CFAP77: variants seen among roughly 807,000 people sequenced by gnomAD.
CFAP77 encodes cilia- and flagella-associated protein 77.
CFAP77 carries 25 observed loss-of-function variants against 31.1 expected under a neutral mutation model. The ratio of observed to expected loss-of-function variants is 0.80; its 90% CI spans 0.59 to 1.12. The LOEUF is 1.12. Ranked by LOEUF, CFAP77 falls within the 50% of genes most tolerant of loss-of-function variation. CFAP77 has a pLI of 0.00. For missense variants in CFAP77, 377 were observed against 397.3 expected (o/e 0.95, Z 0.44); for synonymous variants, 151 against 159.9 (o/e 0.94, Z 0.42).
intron 5 of CFAP77, among the ~76,000 whole-genome samples, chr9:132,567,821 A>T (rs1829903727): frequency 6.6e-6 from 1 of 151,662 alleles, no homozygotes; most frequent in Non-Finnish European, 1.5e-5. Flanking sequence ...CATCGCTCTC[A>T]TCTCTGCCTC....
At position 132,455,776 on chromosome 9, in the gene CFAP77, C is replaced by T. The variant is rs1564209970; in HGVS notation, c.196-42919C>T. On this transcript the variant is annotated intron_variant, in intron 1 of 5. Coordinates refer to ENST00000393216, the MANE Select transcript of CFAP77 (RefSeq NM_001282957.2). The surrounding 1 kb of genome is among the most constrained non-coding windows in gnomAD (Gnocchi z 4.1). ...GCAAAACGAACCCCAAATGTCTCTC[C>T]ACTCAGCTCCCAACAGGATGCAATT... is the stretch of plus-strand genomic sequence containing the variant. Among the ~76,000 whole-genome samples the T allele has an allele frequency of 6.6e-6, 1 of 152,042 alleles. No individual in the cohort carries two copies. Among genetic ancestry groups the T allele is most frequent in the Non-Finnish European group, 1.5e-5 (1 of 68,002 alleles).
intron 4 of CFAP77, among the ~76,000 whole-genome samples, chr9:132,542,701 C>T (rs539494530): frequency 6.6e-6 from 1 of 152,346 alleles, no homozygotes; most frequent in Admixed American, 6.5e-5. Context: ...GTTCCAGAGA[C>T]TGGAATGCTC....
At chr9:132,546,226 C>G (rs1051217154) in intron 5 of CFAP77, among the ~76,000 whole-genome samples, 2 of 152,216 alleles carry the variant, frequency 1.3e-5, no homozygotes, top group African/African-American at 2.4e-5. Context: ...CACCCACCAT[C>G]CCGGCAGCCA....
intron 1 of CFAP77, among the ~76,000 whole-genome samples, chr9:132,450,890 T>C (rs1185430497): frequency 1.3e-5 from 2 of 151,918 alleles, no homozygotes; most frequent in African/African-American, 4.8e-5. Context: ...AAGAAACAAA[T>C]GAATGGGTTG....
intron 5 of CFAP77, among the ~76,000 whole-genome samples, chr9:132,553,066 T>A (rs1852845342): frequency 6.6e-6 from 1 of 152,146 alleles, no homozygotes; most frequent in Non-Finnish European, 1.5e-5. Context: ...AAGTCCAAGG[T>A]CAGGGTGCCA....
intron 1 of CFAP77, among the ~76,000 whole-genome samples, chr9:132,425,536 C>A (rs1850298893): frequency 6.6e-6 from 1 of 152,078 alleles, no homozygotes; most frequent in Admixed American, 6.6e-5. Context: ...AAGCGTGATG[C>A]CTTTGGGGAC....
rs1476902312 is a variant in CFAP77, at chr9:132,537,586, A to T, written c.525-15A>T. 1.9e-5 allele frequency: 30 copies of T among 1,600,640 alleles called. No homozygotes were observed. Among genetic ancestry groups the T allele is most frequent in the Non-Finnish European group, 2.6e-5 (30 of 1,171,600 alleles). On this transcript the variant is annotated splice_polypyrimidine_tract_variant and intron_variant, in intron 3 of 5. Transcript: ENST00000393216. ...TTCCGGGGCCTCAAGCTCTGTCTGGACTTCTTCCCTCCAGGCCTTCCACAC... is the reference window on the plus strand; with the variant it reads ...TTCCGGGGCCTCAAGCTCTGTCTGGTCTTCTTCCCTCCAGGCCTTCCACAC...
chr9:132,572,050 T>C (rs1829965517), intron 5 of CFAP77, among the ~76,000 whole-genome samples: 1 of 151,916 alleles, frequency 6.6e-6, no homozygotes, highest in Admixed American at 6.6e-5. Context: ...GGGTGGCTTG[T>C]TTGGGGTTTT....
intron 1 of CFAP77, among the ~76,000 whole-genome samples, chr9:132,413,797 C>A (rs1349745569): frequency 6.6e-6 from 1 of 152,104 alleles, no homozygotes; most frequent in Non-Finnish European, 1.5e-5. Flanking sequence ...GAATCGAGCA[C>A]CCTTAGAAAG....
intron 3 of CFAP77, among the ~76,000 whole-genome samples, chr9:132,505,536 C>A (rs1048043503): frequency 6.6e-6 from 1 of 151,850 alleles, no homozygotes; most frequent in Non-Finnish European, 1.5e-5. Flanking sequence ...TAGGGTCAGT[C>A]CTGGGGCTGT....
chr9:132,444,728 A>T (rs940259230), intron 1 of CFAP77, among the ~76,000 whole-genome samples: 3 of 152,192 alleles, frequency 2.0e-5, no homozygotes, highest in African/African-American at 7.2e-5. Context: ...TTTCTTTAAA[A>T]TTTTTTAAAA....
rs186335394 is a variant in CFAP77 at position 132,449,626 on chromosome 9, T to C, written c.195+39160T>C. Among the ~76,000 whole-genome samples the C allele has an allele frequency of 2.1e-3, 318 of 152,364 alleles. 1 individual carries two copies. The highest frequency in any genetic ancestry group is 3.8e-3 in the Non-Finnish European group (257 of 68,036). ...GGTTGCTCCCAGTTTAAGGCTGCTA[T>C]GAATAACCTGTGATTTCCAGACAGA... On this transcript the variant is annotated intron_variant, in intron 1 of 5. Coordinates refer to ENST00000393216, the MANE Select transcript of CFAP77 (RefSeq NM_001282957.2).
At chr9:132,452,954 G>A (rs1002753943) in intron 1 of CFAP77, among the ~76,000 whole-genome samples, 1 of 152,204 alleles carries the variant, frequency 6.6e-6, no homozygotes. Flanking sequence ...CTGCCATTAA[G>A]CAGAGTTAAT....
intron 1 of CFAP77, among the ~76,000 whole-genome samples, chr9:132,434,600 G>C (rs1850470833): frequency 6.6e-6 from 1 of 152,186 alleles, no homozygotes; most frequent in East Asian, 1.9e-4. Flanking sequence ...TATGTGCACA[G>C]GTGGGTGGAA....
rs1261355056 is a variant in CFAP77, at chr9:132,515,258, C to G, written c.524+15658C>G. On this transcript the variant is annotated intron_variant, in intron 3 of 5. Coordinates refer to ENST00000393216, the MANE Select transcript of CFAP77 (RefSeq NM_001282957.2). ...ACTCTTCAGACAGAGAACCCCGGCT[C>G]GACATTCTGAGGGAAGGAGAGACTG... Among the ~76,000 whole-genome samples, 7 of 152,256 alleles carry G rather than the reference C, an allele frequency of 4.6e-5. No homozygotes were observed. The East Asian group carries it at 5.8e-4, about 13-fold the overall frequency.
At chr9:132,431,792 C>T (rs1169319837) in intron 1 of CFAP77, among the ~76,000 whole-genome samples, 2 of 152,156 alleles carry the variant, frequency 1.3e-5, no homozygotes, top group African/African-American at 4.8e-5. Flanking sequence ...CAAATTTACT[C>T]AAAGACATAT....
At chr9:132,542,809 G>A (rs1852668106) in intron 4 of CFAP77, 137 bp from the exon 5 acceptor site, 1 of 523,658 alleles carries the variant, frequency 1.9e-6, no homozygotes, top group Non-Finnish European at 3.6e-6. Context: ...CCTTGGAGAA[G>A]GGCTGGGGCC....
chr9:132,443,240 T>G (rs569445610), intron 1 of CFAP77, among the ~76,000 whole-genome samples: 1 of 152,116 alleles, frequency 6.6e-6, no homozygotes, highest in Non-Finnish European at 1.5e-5. Flanking sequence ...AAAAAGTTTT[T>G]TTTTTGTTTT....
At chr9:132,477,056 A>G (rs897087172) in intron 1 of CFAP77, among the ~76,000 whole-genome samples, 4 of 152,190 alleles carry the variant, frequency 2.6e-5, no homozygotes, top group African/African-American at 9.6e-5. Flanking sequence ...AGCTGCAAGC[A>G]GCCTCGTACA....
Sources: allele counts gnomAD v4.1 joint callset (sites outside exome capture counted in the v4.1 genomes callset), GRCh38; gene constraint gnomAD v4.1.1; non-coding constraint Gnocchi (gnomAD v3.1); transcripts MANE v1.5; gene names NCBI Gene and HGNC (gene_info 2026-07-23, HGNC 2026-07-21).